MYO3B: variants seen among roughly 807,000 people sequenced by gnomAD.
The protein encoded by MYO3B is myosin-IIIb.
MYO3B carries 156 observed loss-of-function variants against 174.6 expected under a neutral mutation model. The observed-to-expected ratio is 0.89, with a 90% CI of 0.78 to 1.02. The LOEUF (loss-of-function observed/expected upper bound fraction) is 1.02, where lower values mean the gene tolerates loss of function less well. Ranked by LOEUF, MYO3B falls within the 50% of genes least tolerant of loss-of-function variation. The probability of loss-of-function intolerance (pLI) is 0.00; values close to 1 mark genes in which losing one functional copy is unlikely to be tolerated. For synonymous variants in MYO3B, 563 were observed against 569.1 expected (o/e 0.99, Z 0.15); for missense variants, 1,632 against 1,639.4 (o/e 1.00, Z 0.08).
At chr2:170,323,901 G>C (rs773115756) in intron 7 of MYO3B, among the ~76,000 whole-genome samples, 2 of 152,198 alleles carry the variant, frequency 1.3e-5, no homozygotes, top group Non-Finnish European at 2.9e-5. Flanking sequence ...AAAAGAGCCA[G>C]GGGGAGACCC....
rs1261759169 is a variant in MYO3B, at chr2:170,622,775, T to G, written c.3734-28853T>G. On this transcript the variant is annotated intron_variant, in intron 32 of 34. Transcript: ENST00000408978. Reference sequence around the variant, plus strand: ...GTGTGATGTTCCCCTTCCTGTGTCCTGGTGTTCTCATTGTTCAATTCCCAC... The same window carrying G: ...GTGTGATGTTCCCCTTCCTGTGTCCGGGTGTTCTCATTGTTCAATTCCCAC... Among the ~76,000 whole-genome samples, 55 of 76,096 alleles carry G rather than the reference T, an allele frequency of 7.2e-4. 1 individual carries two copies. The allele number at this position is 76,096 out of a possible 152,430, so 49.9% of individuals were successfully genotyped here.
chr2:170,614,860 C>G (rs1315261788), intron 32 of MYO3B, among the ~76,000 whole-genome samples: 2 of 152,180 alleles, frequency 1.3e-5, no homozygotes, highest in Non-Finnish European at 2.9e-5. Context: ...CTGTTGCTCT[C>G]TTCTCCACTC....
Position 170,214,387 on chromosome 2 carries a change from T to C in MYO3B, c.330T>C (p.Asn110=), listed in dbSNP as rs757853096. 7 of 1,614,038 alleles carry C rather than the reference T, an allele frequency of 4.3e-6. No homozygotes were observed. The Admixed American group carries it at 1.0e-4, about 23-fold the overall frequency. The change falls in exon 4 of 35, where the codon AAT becomes AAC. Residue 110 remains asparagine, a synonymous_variant. Transcript: ENST00000408978. The part of the protein sequence containing the change: ...GQLWLVLELC[N]GGSVTELVKG... The stretch of plus-strand genomic sequence containing the variant: ...GGCACCTCTTCTTGCAGCTGTGTAA[T>C]GGGGGCTCAGTCACTGAGCTTGTCA...
At chr2:170,604,700 A>G (rs778156406) in intron 32 of MYO3B, among the ~76,000 whole-genome samples, 2 of 152,116 alleles carry the variant, frequency 1.3e-5, no homozygotes, top group Non-Finnish European at 2.9e-5. Context: ...TAGAAAAGCT[A>G]TAATAATTAA....
At chr2:170,485,498 T>A (rs548719029) in intron 25 of MYO3B, among the ~76,000 whole-genome samples, 1 of 152,168 alleles carries the variant, frequency 6.6e-6, no homozygotes, top group Admixed American at 6.5e-5. Flanking sequence ...CCACACTTTT[T>A]ATACCATTTG....
chr2:170,563,114 A>T (rs200187769), intron 32 of MYO3B, among the ~76,000 whole-genome samples: 10 of 133,882 alleles, frequency 7.5e-5, no homozygotes, highest in African/African-American at 2.1e-4. Flanking sequence ...TCTCTCTCTC[A>T]CACATACACA....
intron 32 of MYO3B, among the ~76,000 whole-genome samples, chr2:170,588,537 A>G (rs1416712557): frequency 1.3e-5 from 2 of 152,214 alleles, no homozygotes; most frequent in Non-Finnish European, 2.9e-5. Context: ...CTGAATTGCT[A>G]TGCCAGTGAA....
chr2:170,454,917 T>C (rs1189314442), intron 23 of MYO3B, among the ~76,000 whole-genome samples: 5 of 152,128 alleles, frequency 3.3e-5, no homozygotes, highest in African/African-American at 4.8e-5. Flanking sequence ...GATGAAATCA[T>C]AGGGAGTTGA....
chr2:170,577,427 G>A (rs1463323389), intron 32 of MYO3B, among the ~76,000 whole-genome samples: 4 of 152,164 alleles, frequency 2.6e-5, no homozygotes, highest in Non-Finnish European at 5.9e-5. Context: ...AGGTTGACAG[G>A]TAGCTATAAA....
intron 32 of MYO3B, among the ~76,000 whole-genome samples, chr2:170,561,452 C>A (rs921031341): frequency 3.3e-5 from 5 of 152,238 alleles, no homozygotes; most frequent in Non-Finnish European, 7.3e-5. Flanking sequence ...TTCCCACATT[C>A]TTTTGCACAT....
At chr2:170,236,273 GC>G in intron 7 of MYO3B, 137 bp downstream of exon 7, 14 of 1,100,624 alleles carry the variant, frequency 1.3e-5, no homozygotes, top group South Asian at 4.4e-5. Flanking sequence ...CTTTGAAAAA[GC>G]AAGGGGGGCT....
intron 32 of MYO3B, among the ~76,000 whole-genome samples, chr2:170,631,702 T>A (rs1008447998): frequency 6.6e-6 from 1 of 151,880 alleles, no homozygotes; most frequent in Non-Finnish European, 1.5e-5. Flanking sequence ...TAACAGTGGA[T>A]CTCTCAGCAG....
At chr2:170,214,634 G>T in intron 4 of MYO3B, 95 bp from the exon 5 acceptor site, 1 of 1,344,554 alleles carries the variant, frequency 7.4e-7, no homozygotes, top group South Asian at 1.2e-5. Context: ...AGACTTTCAT[G>T]AGACTTTTCA....
In MYO3B at chr2:170,200,301, GGGTAACCA is replaced by G. The variant is rs2092647339; in HGVS notation, c.321+19_321+26del. 1 of 1,605,492 alleles carries G rather than the reference GGGTAACCA, an allele frequency of 6.2e-7. No individual in the cohort carries two copies. Among genetic ancestry groups the G allele is most frequent in the Non-Finnish European group, 8.5e-7 (1 of 1,176,696 alleles). Reference sequence around the variant, plus strand: ...GTCCTGGAGGTAAGAGGCTCCCATTGGGTAACCAGTGATTTGAACAGAGTGCCAGAGGC... The same window carrying G: ...GTCCTGGAGGTAAGAGGCTCCCATTGGTGATTTGAACAGAGTGCCAGAGGC... On this transcript the variant is annotated intron_variant, in intron 3 of 34. Transcript: ENST00000408978.
At chr2:170,553,144 G>T (rs1379304364) in intron 32 of MYO3B, among the ~76,000 whole-genome samples, 1 of 152,174 alleles carries the variant, frequency 6.6e-6, no homozygotes, top group Non-Finnish European at 1.5e-5. Context: ...AGAAATGTGG[G>T]GTTGGAGCCC....
At chr2:170,427,752 A>G (rs531596284) in intron 22 of MYO3B, among the ~76,000 whole-genome samples, 5 of 152,208 alleles carry the variant, frequency 3.3e-5, no homozygotes, top group African/African-American at 9.7e-5. Flanking sequence ...AGCTAGTGAC[A>G]TGGAATAGTC....
chr2:170,542,178 G>A (rs1350841179), intron 30 of MYO3B, among the ~76,000 whole-genome samples: 1 of 152,070 alleles, frequency 6.6e-6, no homozygotes, highest in East Asian at 1.9e-4. Context: ...TTTACTCAGT[G>A]CTTTCCACTC....
At chr2:170,615,161 T>A (rs1360782700) in intron 32 of MYO3B, among the ~76,000 whole-genome samples, 1 of 152,176 alleles carries the variant, frequency 6.6e-6, no homozygotes, top group African/African-American at 2.4e-5. Context: ...ATCCCACAGG[T>A]ACCTAAAACC....
intron 32 of MYO3B, among the ~76,000 whole-genome samples, chr2:170,645,206 C>T (rs527369933): frequency 6.6e-6 from 1 of 152,276 alleles, no homozygotes; most frequent in South Asian, 2.1e-4. Flanking sequence ...GGCAGTGGCT[C>T]ACGCCTGTAA....
Sources: gnomAD v4.1 joint callset for allele counts (sites outside exome capture counted in the v4.1 genomes callset) on GRCh38, gnomAD v4.1.1 for gene constraint, MANE v1.5 for transcripts, NCBI Gene and HGNC (gene_info 2026-07-23, HGNC 2026-07-21) for gene names.